CHCHD6: variants seen among roughly 807,000 people sequenced by gnomAD.
CHCHD6 encodes the protein MICOS complex subunit MIC25.
A neutral mutation model predicts 32.3 loss-of-function variants in CHCHD6; 28 were observed. The ratio of observed to expected loss-of-function variants is 0.87; its 90% CI spans 0.64 to 1.19. CHCHD6 has a LOEUF of 1.19. Ranked by LOEUF, CHCHD6 falls within the 50% of genes most tolerant of loss-of-function variation. The pLI, the probability that CHCHD6 is intolerant of heterozygous loss-of-function variation, is 0.00. For missense variants in CHCHD6, 333 were observed against 307.0 expected (o/e 1.08, Z -0.63); for synonymous variants, 122 against 117.5 (o/e 1.04, Z -0.25).
intron 4 of CHCHD6, among the ~76,000 whole-genome samples, chr3:126,770,957 T>C (rs1438080922): frequency 6.6e-6 from 1 of 152,192 alleles, no homozygotes; most frequent in East Asian, 1.9e-4. Flanking sequence ...CATTTGGTCT[T>C]GTGCTTTTTT....
chr3:126,935,228 GCTCAGTGTATCCCAGAT>G (rs2107600504), intron 6 of CHCHD6: 1 of 830,530 alleles, frequency 1.2e-6, no homozygotes, highest in South Asian at 5.4e-5. Flanking sequence ...GAGGCAGAGG[GCTCAGTGTATCCCAGAT>G]GTGGTGTTCC....
At chr3:126,798,924 GT>G (rs1373283133) in intron 4 of CHCHD6, among the ~76,000 whole-genome samples, 1 of 152,166 alleles carries the variant, frequency 6.6e-6, no homozygotes, top group Non-Finnish European at 1.5e-5. Flanking sequence ...GGAATGTTCC[GT>G]TTTTCTTTCT....
chr3:126,737,389 A>AGT (rs529316889), intron 4 of CHCHD6, among the ~76,000 whole-genome samples: 35 of 79,348 alleles, frequency 4.4e-4, no homozygotes, highest in African/African-American at 9.3e-4. Flanking sequence ...ATGATGTGTG[A>AGT]GTATATATAT....
intron 4 of CHCHD6, among the ~76,000 whole-genome samples, chr3:126,800,111 G>T (rs976303521): frequency 1.3e-5 from 2 of 151,874 alleles, no homozygotes; most frequent in Non-Finnish European, 2.9e-5. Context: ...TTTTCTTAAG[G>T]TTATATTTTT....
intron 4 of CHCHD6, among the ~76,000 whole-genome samples, chr3:126,754,574 G>A (rs1936873287): frequency 2.0e-5 from 3 of 152,198 alleles, no homozygotes; most frequent in Non-Finnish European, 2.9e-5. Context: ...GCATGTCCAG[G>A]AACATTCTTT....
At chr3:126,788,378 T>G (rs2107684418) in intron 4 of CHCHD6, among the ~76,000 whole-genome samples, 1 of 152,374 alleles carries the variant, frequency 6.6e-6, no homozygotes, top group Middle Eastern at 3.4e-3. Flanking sequence ...TTCTATTGAT[T>G]GGAATAGTTT....
At chr3:126,816,472 G>C (rs77601447) in intron 4 of CHCHD6, among the ~76,000 whole-genome samples, 36 of 152,284 alleles carry the variant, frequency 2.4e-4, no homozygotes, top group African/African-American at 8.4e-4. Context: ...TCTTAAGCCA[G>C]CCAGCTGTCA....
chr3:126,731,552 G>T (rs756095479), intron 3 of CHCHD6, among the ~76,000 whole-genome samples: 5 of 152,190 alleles, frequency 3.3e-5, no homozygotes, highest in Non-Finnish European at 5.9e-5. Context: ...CTGGCCTACA[G>T]AGTTCTCAGT....
At chr3:126,807,287 C>T (rs1431414532) in intron 4 of CHCHD6, among the ~76,000 whole-genome samples, 1 of 151,310 alleles carries the variant, frequency 6.6e-6, no homozygotes, top group Non-Finnish European at 1.5e-5. Flanking sequence ...ACAGATAATG[C>T]AGAGGAGCAG....
chr3:126,748,411 A>G (rs762018106), intron 4 of CHCHD6, among the ~76,000 whole-genome samples: 4 of 152,154 alleles, frequency 2.6e-5, no homozygotes, highest in Non-Finnish European at 5.9e-5. Flanking sequence ...CCTGGGCAAC[A>G]TGGTGAAACC....
chr3:126,898,948 T>G (rs533164816), intron 5 of CHCHD6, among the ~76,000 whole-genome samples: 38 of 152,336 alleles, frequency 2.5e-4, no homozygotes, highest in Non-Finnish European at 4.9e-4. Flanking sequence ...AGATGGGAAG[T>G]AGTACATCAA....
intron 4 of CHCHD6, among the ~76,000 whole-genome samples, chr3:126,834,060 A>C (rs972922050): frequency 1.3e-5 from 2 of 148,304 alleles, no homozygotes; most frequent in African/African-American, 4.9e-5. Flanking sequence ...TCTCAAAAAA[A>C]AAAAAAAAAA....
intron 4 of CHCHD6, among the ~76,000 whole-genome samples, chr3:126,824,029 C>T (rs911041632): frequency 8.5e-5 from 13 of 152,070 alleles, no homozygotes; most frequent in Admixed American, 3.3e-4. Flanking sequence ...GAGCTATAAT[C>T]GCCACACCAC....
intron 4 of CHCHD6, among the ~76,000 whole-genome samples, chr3:126,786,995 T>G (rs1938247855): frequency 6.6e-6 from 1 of 152,232 alleles, no homozygotes; most frequent in African/African-American, 2.4e-5. Flanking sequence ...TTGAACTAAT[T>G]GTTGTATAAG....
At chr3:126,936,848 C>G (rs1340431800) in intron 6 of CHCHD6, among the ~76,000 whole-genome samples, 2 of 152,224 alleles carry the variant, frequency 1.3e-5, no homozygotes, top group Non-Finnish European at 2.9e-5. Flanking sequence ...AGCCCCTGCA[C>G]CTGGCCTCTT....
chr3:126,957,400 C>T lies in CHCHD6; in HGVS notation c.567-16C>T, dbSNP rs1295910196. 8 of 1,607,714 alleles carry T rather than the reference C, an allele frequency of 5.0e-6. No homozygotes were observed. The highest frequency in any genetic ancestry group is 6.8e-6 in the Non-Finnish European group (8 of 1,178,160). ...GGCACCTGAGCCCCAGGCCTGCCTG[C>T]TCTTGTCTTCTGCAGGCCCCGCAGG... On this transcript the variant is annotated splice_polypyrimidine_tract_variant and intron_variant, in intron 6 of 7. Coordinates refer to ENST00000290913, the MANE Select transcript of CHCHD6 (RefSeq NM_032343.3).
At chr3:126,714,451 A>G (rs1934912626) in intron 1 of CHCHD6, among the ~76,000 whole-genome samples, 1 of 152,092 alleles carries the variant, frequency 6.6e-6, no homozygotes, top group South Asian at 2.1e-4. Flanking sequence ...AGCTCATAGA[A>G]AACTGAAGAG....
intron 4 of CHCHD6, among the ~76,000 whole-genome samples, chr3:126,821,233 T>G (rs1482982775): frequency 6.6e-6 from 1 of 152,256 alleles, no homozygotes; most frequent in East Asian, 1.9e-4. Flanking sequence ...TGCCAATCGA[T>G]GGACATTTGG....
intron 4 of CHCHD6, chr3:126,767,317 G>A: frequency 9.5e-7 from 1 of 1,054,418 alleles, no homozygotes; most frequent in South Asian, 1.3e-5. Flanking sequence ...CAAACACGGA[G>A]CCCATTTCCA....
Sources: gnomAD v4.1 joint callset for allele counts (sites outside exome capture counted in the v4.1 genomes callset) on GRCh38, gnomAD v4.1.1 for gene constraint, MANE v1.5 for transcripts, NCBI Gene and HGNC (gene_info 2026-07-23, HGNC 2026-07-21) for gene names.